Variants in ZBTB38 observed in about 807,000 individuals in gnomAD.
ZBTB38 encodes zinc finger and BTB domain containing 38, also known as zinc finger and BTB domain-containing protein 38.
In ZBTB38, 20 loss-of-function variants were observed where a neutral mutation model predicts 76.8. The observed-to-expected ratio is 0.26, with a 90% CI of 0.18 to 0.38. The LOEUF (loss-of-function observed/expected upper bound fraction) is 0.38, where lower values mean the gene tolerates loss of function less well. ZBTB38 is among the 10% of genes least tolerant of loss of function. The pLI is 1.00. For missense variants in ZBTB38, 1,082 were observed against 1,482.3 expected (o/e 0.73, Z 4.43); for synonymous variants, 504 against 544.2 (o/e 0.93, Z 1.03).
At chr3:141,396,488 A>T in intron 4 of ZBTB38, 1 of 168,430 alleles carries the variant, frequency 5.9e-6, no homozygotes, top group Middle Eastern at 2.7e-3. Context: ...TGGAACCAAC[A>T]TCTTCCAAAC....
At chr3:141,378,407 A>G (rs1209072590) in intron 2 of ZBTB38, among the ~76,000 whole-genome samples, 1 of 152,178 alleles carries the variant, frequency 6.6e-6, no homozygotes, top group African/African-American at 2.4e-5. Flanking sequence ...GTAAAATCAC[A>G]TAAGACTGTA....
At chr3:141,373,482 G>A (rs1331390090) in intron 2 of ZBTB38, among the ~76,000 whole-genome samples, 1 of 152,202 alleles carries the variant, frequency 6.6e-6, no homozygotes, top group African/African-American at 2.4e-5. Context: ...GCACAGGTGT[G>A]CAAGCTCCTT....
At chr3:141,399,559 G>A (rs748804906) in intron 4 of ZBTB38, among the ~76,000 whole-genome samples, 1 of 152,218 alleles carries the variant, frequency 6.6e-6, no homozygotes, top group South Asian at 2.1e-4. Context: ...CAAATTAGGG[G>A]AGGCCAAGTT....
chr3:141,397,311 C>A (rs1950566701), intron 4 of ZBTB38, among the ~76,000 whole-genome samples: 1 of 152,164 alleles, frequency 6.6e-6, no homozygotes. Flanking sequence ...TCCTAGTCTT[C>A]CTAGAATTGA....
At chr3:141,404,732 G>A (rs760006383) in intron 5 of ZBTB38, among the ~76,000 whole-genome samples, 2 of 152,168 alleles carry the variant, frequency 1.3e-5, no homozygotes, top group African/African-American at 2.4e-5. Context: ...AGGCGTAAAG[G>A]ATTGAAATGT....
Position 141,413,282 on chromosome 3 carries a change from C to T in ZBTB38, c.-1+9251C>T, listed in dbSNP as rs1457066695. Among the ~76,000 whole-genome samples, 1 of 152,178 alleles carries T rather than the reference C, an allele frequency of 6.6e-6. No homozygotes were observed. Among genetic ancestry groups the T allele is most frequent in the Non-Finnish European group, 1.5e-5 (1 of 68,022 alleles). On this transcript the variant is annotated intron_variant, in intron 5 of 5. Transcript: ENST00000321464. The surrounding 1 kb of genome is among the most constrained non-coding windows in gnomAD (Gnocchi z 4.1). ...GCCGAGAGCCTCAGCCACCTTCCTG[C>T]AGGAGGTCCTCACACCCCAGACGGT...
At chr3:141,345,516 A>G (rs1167432177) in intron 1 of ZBTB38, among the ~76,000 whole-genome samples, 1 of 152,058 alleles carries the variant, frequency 6.6e-6, no homozygotes, top group Middle Eastern at 3.2e-3. Context: ...CAACCCATCT[A>G]TTTGCATGTG....
At position 141,348,023 on chromosome 3, in the gene ZBTB38, C is replaced by T. The variant is rs1051219381; in HGVS notation, c.-738-20598C>T. ...ACATTTTCCTTTAACATAGATTACC[C>T]ATTAGTAGATTATTTAATTACAGTT... On this transcript the variant is annotated intron_variant, in intron 1 of 7. Transcript: ENST00000509842. Among the ~76,000 whole-genome samples, 34 of 152,302 alleles carry T rather than the reference C, an allele frequency of 2.2e-4. No individual in the cohort carries two copies. The Middle Eastern group carries it at 0.01, about 46-fold the overall frequency.
intron 5 of ZBTB38, among the ~76,000 whole-genome samples, chr3:141,409,282 G>A (rs1337556603): frequency 6.6e-6 from 1 of 152,110 alleles, no homozygotes; most frequent in Non-Finnish European, 1.5e-5. Context: ...CTGACCTCAG[G>A]TGATCCACCG....
chr3:141,342,824 A>G (rs540995683), intron 1 of ZBTB38, among the ~76,000 whole-genome samples: 13 of 151,216 alleles, frequency 8.6e-5, no homozygotes, highest in Non-Finnish European at 1.8e-4. Context: ...TGTTGCTGAG[A>G]GAAATAATGA....
intron 2 of ZBTB38, among the ~76,000 whole-genome samples, chr3:141,378,295 T>G (rs1041130643): frequency 6.6e-6 from 1 of 152,192 alleles, no homozygotes; most frequent in Non-Finnish European, 1.5e-5. Context: ...TTCTCTATTC[T>G]GATGGTGATG....
At chr3:141,431,493 C>T (rs961463006) in intron 5 of ZBTB38, among the ~76,000 whole-genome samples, 1 of 151,570 alleles carries the variant, frequency 6.6e-6, no homozygotes, top group African/African-American at 2.4e-5. Context: ...AAGCTTGATC[C>T]TGAGATGAAC....
chr3:141,426,561 G>A (rs56344536), intron 5 of ZBTB38, among the ~76,000 whole-genome samples: 11,495 of 152,170 alleles, frequency 0.076, 1,484 homozygotes, highest in African/African-American at 0.26. Flanking sequence ...AGAAGGAAGT[G>A]ACCGGTGAAT....
intron 4 of ZBTB38, among the ~76,000 whole-genome samples, chr3:141,395,050 C>CTT (rs939777000): frequency 2.6e-5 from 4 of 152,150 alleles, no homozygotes; most frequent in African/African-American, 9.7e-5. Flanking sequence ...ACAGCAAATA[C>CTT]TTTAGGCTTT....
At chr3:141,384,115 C>T (rs1484743719) in intron 3 of ZBTB38, among the ~76,000 whole-genome samples, 2 of 152,216 alleles carry the variant, frequency 1.3e-5, no homozygotes, top group African/African-American at 2.4e-5. Context: ...GTCTGGTAAA[C>T]GTACCACGTT....
At chr3:141,330,110 C>T (rs1188018917) in intron 1 of ZBTB38, among the ~76,000 whole-genome samples, 1 of 152,062 alleles carries the variant, frequency 6.6e-6, no homozygotes, top group Admixed American at 6.6e-5. Context: ...GGCACAGTCA[C>T]CAGGAGGTTC....
intron 3 of ZBTB38, chr3:141,386,174 C>T (rs1947058209): frequency 6.6e-6 from 1 of 152,162 alleles, no homozygotes; most frequent in African/African-American, 2.4e-5. Flanking sequence ...GTTCTGAACG[C>T]ATACAGTATG....
At chr3:141,356,894 C>A (rs1211010959) in intron 1 of ZBTB38, among the ~76,000 whole-genome samples, 1 of 152,218 alleles carries the variant, frequency 6.6e-6, no homozygotes, top group African/African-American at 2.4e-5. Flanking sequence ...CTTCATTAAT[C>A]ATCAAGAATG....
intron 1 of ZBTB38, among the ~76,000 whole-genome samples, chr3:141,338,511 G>A (rs540887631): frequency 4.6e-5 from 7 of 152,324 alleles, no homozygotes; most frequent in Admixed American, 1.3e-4. Context: ...GATAGAGCTG[G>A]AGGCCATTAT....
Sources: gnomAD v4.1 joint callset for allele counts (sites outside exome capture counted in the v4.1 genomes callset) on GRCh38, gnomAD v4.1.1 for gene constraint, Gnocchi (gnomAD v3.1) non-coding constraint, MANE v1.5 for transcripts, NCBI Gene and HGNC (gene_info 2026-07-23, HGNC 2026-07-21) for gene names.